SH3GL3: variants seen among roughly 807,000 people sequenced by gnomAD.
SH3GL3 encodes endophilin-A3.
Under a neutral mutation model 47.7 loss-of-function variants are expected in SH3GL3, and 33 were observed. That is an observed-to-expected ratio of 0.69 (90% CI 0.52 to 0.92). The LOEUF (loss-of-function observed/expected upper bound fraction) is 0.92. Among genes scored for constraint, SH3GL3 ranks in the 40% least tolerant of loss-of-function variants. The probability of loss-of-function intolerance (pLI) is 0.00; values close to 1 mark genes in which losing one functional copy is unlikely to be tolerated. For synonymous variants in SH3GL3, 155 were observed against 148.8 expected (o/e 1.04, Z -0.30); for missense variants, 363 against 417.8 (o/e 0.87, Z 1.14).
At chr15:83,515,551 G>C (rs1269096663) in intron 1 of SH3GL3, among the ~76,000 whole-genome samples, 1 of 152,132 alleles carries the variant, frequency 6.6e-6, no homozygotes, top group Non-Finnish European at 1.5e-5. Context: ...GGGAATGGGA[G>C]CTGATGCCTA....
chr15:83,482,213 T>TTA (rs2041389026), intron 1 of SH3GL3, among the ~76,000 whole-genome samples: 1 of 152,228 alleles, frequency 6.6e-6, no homozygotes, highest in Non-Finnish European at 1.5e-5. Context: ...AAATTTACCT[T>TTA]TATATATGAA....
At chr15:83,538,834 G>C (rs377006846) in intron 1 of SH3GL3, among the ~76,000 whole-genome samples, 1 of 152,024 alleles carries the variant, frequency 6.6e-6, no homozygotes, top group Admixed American at 6.6e-5. Context: ...CATGGATTTT[G>C]GTGCACATAT....
chr15:83,569,149 G>A (rs1440972610), intron 4 of SH3GL3, among the ~76,000 whole-genome samples: 2 of 152,022 alleles, frequency 1.3e-5, no homozygotes, highest in African/African-American at 4.8e-5. Flanking sequence ...CGCCTGCCTC[G>A]GCCTCCCAAA....
At chr15:83,587,892 G>A (rs976609806) in intron 7 of SH3GL3, among the ~76,000 whole-genome samples, 2 of 152,110 alleles carry the variant, frequency 1.3e-5, no homozygotes, top group African/African-American at 4.8e-5. Flanking sequence ...TTAAATCAAT[G>A]ACGTAGTTAC....
chr15:83,567,306 G>A (rs571784557), intron 3 of SH3GL3, among the ~76,000 whole-genome samples: 3 of 152,224 alleles, frequency 2.0e-5, no homozygotes, highest in South Asian at 2.1e-4. Flanking sequence ...GCATATTGCC[G>A]CCTTTCCCTT....
At chr15:83,534,256 C>T (rs2043808567) in intron 1 of SH3GL3, among the ~76,000 whole-genome samples, 1 of 152,182 alleles carries the variant, frequency 6.6e-6, no homozygotes, top group South Asian at 2.1e-4. Flanking sequence ...GTTGGACTTA[C>T]TGGCCTCCAA....
chr15:83,458,525 A>T (rs1166459861), intron 1 of SH3GL3, among the ~76,000 whole-genome samples: 2 of 152,198 alleles, frequency 1.3e-5, no homozygotes, highest in African/African-American at 2.4e-5. Flanking sequence ...GAGGCTGCTG[A>T]TATTTCAGGC....
rs181264204 is a variant in SH3GL3, at chr15:83,567,218, A to T, written c.188-1311A>T. 6.4e-4 allele frequency among the ~76,000 whole-genome samples: 98 copies of T among 152,248 alleles called. 1 individual carries two copies. The highest frequency in any genetic ancestry group is 3.4e-3 in the Middle Eastern group (1 of 294). ...CCAGCCTACTCCTTGTCCACTGATT[A>T]TGCCACAGTATTCCCTCTTCTACAC... On this transcript the variant is annotated intron_variant, in intron 3 of 8. Coordinates refer to ENST00000427482, the MANE Select transcript of SH3GL3 (RefSeq NM_003027.5).
chr15:83,606,868 A>G (rs2060528881), intron 8 of SH3GL3, among the ~76,000 whole-genome samples: 1 of 152,238 alleles, frequency 6.6e-6, no homozygotes, highest in Non-Finnish European at 1.5e-5. Context: ...AGCATTCTTA[A>G]TAATTTGAAA....
At chr15:83,453,616 T>G (rs1015058510) in intron 1 of SH3GL3, among the ~76,000 whole-genome samples, 1 of 151,026 alleles carries the variant, frequency 6.6e-6, no homozygotes, top group African/African-American at 2.4e-5. Flanking sequence ...TAGTATTCTC[T>G]GATGGTAGTT....
chr15:83,498,936 T>C (rs542033661), intron 1 of SH3GL3, among the ~76,000 whole-genome samples: 4 of 152,220 alleles, frequency 2.6e-5, no homozygotes, highest in African/African-American at 7.2e-5. Flanking sequence ...ACCAGGTCCA[T>C]GTTCTTCCTT....
chr15:83,630,513 A>G, the SH3GL3 span, among the ~76,000 whole-genome samples: 2 of 152,148 alleles, frequency 1.3e-5, no homozygotes, highest in African/African-American at 4.8e-5. Flanking sequence ...TAATTGACTC[A>G]CAGTTCCTGA....
At chr15:83,607,137 G>T (rs1448744084) in intron 8 of SH3GL3, among the ~76,000 whole-genome samples, 2 of 152,156 alleles carry the variant, frequency 1.3e-5, no homozygotes, top group Non-Finnish European at 2.9e-5. Flanking sequence ...TAACTTAGTT[G>T]TGGGAATTTT....
chr15:83,543,651 CT>C (rs1412731775), intron 1 of SH3GL3, among the ~76,000 whole-genome samples: 1 of 151,758 alleles, frequency 6.6e-6, no homozygotes, highest in Non-Finnish European at 1.5e-5. Context: ...TGCCAGAAGA[CT>C]TTGTATTTCA....
chr15:83,475,209 G>A (rs1652521738), intron 1 of SH3GL3, among the ~76,000 whole-genome samples: 1 of 151,808 alleles, frequency 6.6e-6, no homozygotes, highest in Non-Finnish European at 1.5e-5. Context: ...TGGGCACAGT[G>A]GCTCACGCCT....
At chr15:83,521,733 C>T (rs145643749) in intron 1 of SH3GL3, among the ~76,000 whole-genome samples, 5 of 152,234 alleles carry the variant, frequency 3.3e-5, no homozygotes, top group Admixed American at 2.6e-4. Context: ...ATTAGCTCCT[C>T]CTACAACAAT....
In SH3GL3 at chr15:83,583,126, G is replaced by C. The variant is rs562317283; in HGVS notation, c.625-3857G>C. 7.2e-5 allele frequency among the ~76,000 whole-genome samples: 11 copies of C among 152,360 alleles called. No homozygotes were observed. In the East Asian group the frequency reaches 1.7e-3, roughly 24 times the overall value. ...GAAATGTGCCTTTTCAGTTGTGAAA[G>C]AGAATGGCTTGTCGTCTTTTGAAGA... is the stretch of plus-strand genomic sequence containing the variant. On this transcript the variant is annotated intron_variant, in intron 6 of 8. Transcript: ENST00000427482.
intron 1 of SH3GL3, among the ~76,000 whole-genome samples, chr15:83,514,747 A>G (rs1480075701): frequency 6.6e-6 from 1 of 152,128 alleles, no homozygotes. Context: ...GGTGTTTGTG[A>G]GCACCTTTTG....
At position 83,586,974 on chromosome 15, in the gene SH3GL3, C is replaced by T; in HGVS notation, c.625-9C>T. The T allele has an allele frequency of 6.4e-7, 1 of 1,560,902 alleles. No individual in the cohort carries two copies. Among genetic ancestry groups the T allele is most frequent in the Non-Finnish European group, 8.8e-7 (1 of 1,140,294 alleles). ...GCCTCCATGGAATAATTTTGCACTT[C>T]TGCTGCAGGTAGAACAAGTCAGCCA... On this transcript the variant is annotated splice_polypyrimidine_tract_variant and intron_variant, in intron 6 of 8. Transcript: ENST00000427482.
Sources: allele counts gnomAD v4.1 joint callset (sites outside exome capture counted in the v4.1 genomes callset), GRCh38; gene constraint gnomAD v4.1.1; transcripts MANE v1.5; gene names NCBI Gene and HGNC (gene_info 2026-07-23, HGNC 2026-07-21).